Variants in GLB1 observed in about 807,000 individuals in gnomAD.
GLB1 encodes the protein galactosidase beta 1.
Under a neutral mutation model 74.0 loss-of-function variants are expected in GLB1, and 56 were observed. The ratio of observed to expected loss-of-function variants is 0.76; its 90% CI spans 0.61 to 0.94. The LOEUF is 0.94. Among genes scored for constraint, GLB1 ranks in the 40% least tolerant of loss-of-function variants. The pLI, the probability that GLB1 is intolerant of heterozygous loss-of-function variation, is 0.00. For missense variants in GLB1, 787 were observed against 845.5 expected, an observed-to-expected ratio of 0.93 and a Z score of 0.86; for synonymous variants, 323 against 323.6, an observed-to-expected ratio of 1.00 and a Z score of 0.02.
Position 33,031,611 on chromosome 3 carries a change from C to CAAA in GLB1, c.1069-7289_1069-7287dup, listed in dbSNP as rs1255172812. Among the ~76,000 whole-genome samples the CAAA allele has an allele frequency of 3.2e-4, 7 of 22,058 alleles. 1 individual carries two copies. Among genetic ancestry groups the CAAA allele is most frequent in the African/African-American group, 1.1e-3 (5 of 4,622 alleles). 14.5% of individuals were successfully genotyped at this position (22,058 alleles called of 152,430 possible). On this transcript the variant is annotated intron_variant, in intron 10 of 15. Transcript: ENST00000307363. ...TGGGTGACAGAGCAAGGCTCTGTCT[C>CAAA]AAAAAAAAAAAAAAAAAAAAAAAAA...
Position 33,051,986 on chromosome 3 carries a change from T to C in GLB1, c.811A>G (p.Thr271Ala). Residue 271 changes from threonine (T) to alanine (A), a missense_variant, in exon 8 of 16, where the codon ACT (threonine) becomes GCT (alanine). Thr to Ala is a moderately conservative substitution (Grantham distance 58). Transcript: ENST00000307363. ...KGPLINSEFY[T>A]GWLDHWGQPH... is the part of the protein sequence containing the mutation. ...TGGCCCCAGTGATCTAGCCAGCCAG[T>C]ATAGAATTCAGAATTGATCTAAAAC... 1.2e-6 allele frequency: 2 copies of C among 1,614,166 alleles called. No individual in the cohort carries two copies. Among genetic ancestry groups the C allele is most frequent in the Non-Finnish European group, 1.7e-6 (2 of 1,180,030 alleles).
rs943266125 is a variant in GLB1, at chr3:33,014,379, C to A, written c.1480-69G>T. On this transcript the variant is annotated intron_variant, in intron 14 of 15. Coordinates refer to ENST00000307363, the MANE Select transcript of GLB1 (RefSeq NM_000404.4). ...AAAAGGCTTCACATGTCTCTGCATT[C>A]CAGGGAAATGGGAAAAGCAAACCGG... 8.2e-6 allele frequency: 13 copies of A among 1,585,214 alleles called. No individual in the cohort carries two copies. In the African/African-American group the frequency reaches 1.2e-4, roughly 15 times the overall value.
At position 33,091,398 on chromosome 3, in the gene GLB1, A is replaced by T. The variant is rs181498222; in HGVS notation, c.75+5613T>A. On this transcript the variant is annotated intron_variant, in intron 1 of 15. Transcript: ENST00000307363. ...CATGAGGGAAGGAAGGCAAACCCCTAGCAGTTGCTGCTTTGACACATCACC... is the reference window on the plus strand; with the variant it reads ...CATGAGGGAAGGAAGGCAAACCCCTTGCAGTTGCTGCTTTGACACATCACC... 6.1e-6 allele frequency: 6 copies of T among 985,530 alleles called. No homozygotes were observed. The African/African-American group carries it at 7.0e-5, about 11-fold the overall frequency. 61.0% of individuals were successfully genotyped at this position (985,530 alleles called of 1,614,324 possible).
chr3:33,034,704 T>C (rs933229026), intron 10 of GLB1: 116 of 718,764 alleles, frequency 1.6e-4, no homozygotes, highest in Admixed American at 1.1e-4. Flanking sequence ...AAGGTGACCC[T>C]GAGGAAGCAG....
chr3:33,028,665 AAT>A (rs1559389554), intron 10 of GLB1, among the ~76,000 whole-genome samples: 5 of 148,260 alleles, frequency 3.4e-5, no homozygotes, highest in Non-Finnish European at 7.5e-5. Flanking sequence ...TTTACCCAAA[AAT>A]TTTTTTTTTT....
intron 5 of GLB1, among the ~76,000 whole-genome samples, chr3:33,061,936 T>G (rs6550203): frequency 6.6e-6 from 1 of 152,166 alleles, no homozygotes; most frequent in African/African-American, 2.4e-5. Flanking sequence ...ACAGACCTGG[T>G]TTCCTGTATC....
intron 9 of GLB1, among the ~76,000 whole-genome samples, chr3:33,048,332 C>T (rs549107626): frequency 2.0e-5 from 3 of 152,270 alleles, no homozygotes; most frequent in South Asian, 2.1e-4. Flanking sequence ...AGGGCAGCAT[C>T]GCAGAGAAAT....
intron 5 of GLB1, among the ~76,000 whole-genome samples, chr3:33,062,121 C>T (rs1699466630): frequency 6.6e-6 from 1 of 152,182 alleles, no homozygotes; most frequent in Admixed American, 6.5e-5. Context: ...CATTTTCTAC[C>T]CTTCAACATG....
chr3:33,046,337 C>T, intron 9 of GLB1, 105 bp from the exon 10 acceptor site: 1 of 1,320,646 alleles, frequency 7.6e-7, no homozygotes, highest in Non-Finnish European at 1.1e-6. Flanking sequence ...AACTAGAAGA[C>T]ACATTAAAAC....
rs1699783076 is a variant in GLB1, at chr3:33,068,671, C to T, written c.396+149G>A. The stretch of plus-strand genomic sequence containing the variant: ...ACCCTGGCCTGTTTCTCTGCCTGGG[C>T]ACCTTGTCAAGGTAAAAGACACCTG... On this transcript the variant is annotated intron_variant, in intron 3 of 15. Transcript: ENST00000307363. 6.1e-6 allele frequency: 9 copies of T among 1,466,898 alleles called. 1 individual carries two copies. In the Admixed American group the frequency reaches 1.8e-4, roughly 29 times the overall value. The allele number at this position is 1,466,898 out of a possible 1,614,324, so 90.9% of individuals were successfully genotyped here.
chr3:32,985,644 G>C, the GLB1 span, among the ~76,000 whole-genome samples: 2 of 152,042 alleles, frequency 1.3e-5, no homozygotes, highest in Non-Finnish European at 2.9e-5. Flanking sequence ...TTATGCATAT[G>C]TGTGTTTAGT....
At chr3:32,980,148 G>A in the GLB1 span, among the ~76,000 whole-genome samples, 10 of 152,174 alleles carry the variant, frequency 6.6e-5, no homozygotes, top group Admixed American at 5.2e-4. Context: ...GTGCAATAAG[G>A]ACATTAGCAC....
At chr3:33,026,385 A>C (rs1246938232) in intron 10 of GLB1, among the ~76,000 whole-genome samples, 1 of 152,156 alleles carries the variant, frequency 6.6e-6, no homozygotes, top group Non-Finnish European at 1.5e-5. Context: ...CGATGAGCAC[A>C]GGAGGGAGGC....
chr3:33,077,360 T>C, intron 1 of GLB1: 1 of 1,414,276 alleles, frequency 7.1e-7, no homozygotes, highest in Non-Finnish European at 9.8e-7. Context: ...ACGATAGGGA[T>C]GGTCAATGAG....
intron 5 of GLB1, among the ~76,000 whole-genome samples, chr3:33,059,135 G>A (rs1699341138): frequency 6.6e-6 from 1 of 152,180 alleles, no homozygotes; most frequent in Non-Finnish European, 1.5e-5. Context: ...GCTGAGGGTG[G>A]GGTCCCTGCT....
At chr3:32,962,375 A>T in the GLB1 span, among the ~76,000 whole-genome samples, 1 of 152,196 alleles carries the variant, frequency 6.6e-6, no homozygotes, top group Non-Finnish European at 1.5e-5. Context: ...TAGCAAATGT[A>T]GCTTTCTAAT....
Position 33,042,414 on chromosome 3 carries a change from C to T in GLB1, c.1068+3706G>A, listed in dbSNP as rs904401377. On this transcript the variant is annotated intron_variant, in intron 10 of 15. Coordinates refer to ENST00000307363, the MANE Select transcript of GLB1 (RefSeq NM_000404.4). ...TCCAAGTCTCGCTCTGTCGCCCAGG[C>T]TGGAGTGCAGTGGCGTGATCTCGGC... 2.0e-4 allele frequency among the ~76,000 whole-genome samples: 29 copies of T among 142,876 alleles called. 1 individual carries two copies. The highest frequency in any genetic ancestry group is 7.3e-4 in the African/African-American group (28 of 38,618). The allele number at this position is 142,876 out of a possible 152,430, so 93.7% of individuals were successfully genotyped here. A position where few individuals can be genotyped will look rare whatever the true frequency, so the allele number is the denominator to read the frequency against.
At chr3:33,047,014 C>A (rs1698769225) in intron 9 of GLB1, among the ~76,000 whole-genome samples, 1 of 152,212 alleles carries the variant, frequency 6.6e-6, no homozygotes. Flanking sequence ...GTGCCTCGAA[C>A]AGCCAACCCA....
chr3:33,011,582 T>C (rs1257051322), intron 15 of GLB1, among the ~76,000 whole-genome samples: 3 of 147,766 alleles, frequency 2.0e-5, no homozygotes, highest in Non-Finnish European at 4.5e-5. Flanking sequence ...GAGGCAGAGG[T>C]TGCAGTGAGC....
Sources: gnomAD v4.1 joint callset for allele counts (sites outside exome capture counted in the v4.1 genomes callset) on GRCh38, gnomAD v4.1.1 for gene constraint, MANE v1.5 for transcripts, NCBI Gene and HGNC (gene_info 2026-07-23, HGNC 2026-07-21) for gene names.